The following RARB variants were observed in gnomAD, a reference collection of about 807,000 sequenced individuals.
The protein encoded by RARB is retinoic acid receptor beta.
RARB carries 17 observed loss-of-function variants against 51.9 expected under a neutral mutation model. The ratio of observed to expected loss-of-function variants is 0.33; its 90% CI spans 0.22 to 0.49. The LOEUF is 0.49. Ranked by LOEUF, RARB falls within the 20% of genes least tolerant of loss-of-function variation. RARB has a pLI of 0.99. For missense variants in RARB, 369 were observed against 550.8 expected, an observed-to-expected ratio of 0.67 and a Z score of 3.30; for synonymous variants, 215 against 195.4, an observed-to-expected ratio of 1.10 and a Z score of -0.84.
At chr3:25,292,297 T>G (rs1463734015) in intron 5 of RARB, among the ~76,000 whole-genome samples, 1 of 152,164 alleles carries the variant, frequency 6.6e-6, no homozygotes, top group Non-Finnish European at 1.5e-5. Flanking sequence ...AATTTGGAAA[T>G]GTGTCCAAGA....
intron 2 of RARB, among the ~76,000 whole-genome samples, chr3:25,031,685 G>A (rs1697880081): frequency 1.3e-5 from 2 of 152,198 alleles, no homozygotes; most frequent in Admixed American, 1.3e-4. Flanking sequence ...ACCCAGGGAA[G>A]GGAACTGTCT....
chr3:25,261,771 T>C (rs775997051), intron 5 of RARB, among the ~76,000 whole-genome samples: 4 of 152,076 alleles, frequency 2.6e-5, no homozygotes. Flanking sequence ...AATGCAGAGG[T>C]CATTCTGGAT....
At chr3:25,582,422 C>A (rs918307867) in intron 5 of RARB, among the ~76,000 whole-genome samples, 4 of 151,992 alleles carry the variant, frequency 2.6e-5, no homozygotes, top group African/African-American at 9.7e-5. Flanking sequence ...CACGCAGCCA[C>A]CCAGCAGGGC....
At chr3:25,113,462 G>A (rs1012901977) in intron 3 of RARB, among the ~76,000 whole-genome samples, 8 of 152,058 alleles carry the variant, frequency 5.3e-5, no homozygotes, top group Non-Finnish European at 7.4e-5. Context: ...TGTTTTCTTA[G>A]GAAATGAAGT....
At chr3:24,895,444 G>A (rs1703458476) in intron 2 of RARB, among the ~76,000 whole-genome samples, 1 of 152,154 alleles carries the variant, frequency 6.6e-6, no homozygotes, top group African/African-American at 2.4e-5. Flanking sequence ...CTGGGATGAA[G>A]CCCTAGAGTT....
At chr3:25,395,245 T>C (rs1707083906) in intron 5 of RARB, among the ~76,000 whole-genome samples, 1 of 152,220 alleles carries the variant, frequency 6.6e-6, no homozygotes, top group Non-Finnish European at 1.5e-5. Flanking sequence ...CCCTTGTGGC[T>C]TGAAGGGTTT....
chr3:25,431,312 T>C (rs1708198411), intron 1 of RARB, among the ~76,000 whole-genome samples: 1 of 152,088 alleles, frequency 6.6e-6, no homozygotes. Flanking sequence ...CCTTTGAACA[T>C]GGAGCACACC....
At chr3:25,308,457 T>TTC (rs1182069811) in intron 5 of RARB, among the ~76,000 whole-genome samples, 1 of 150,766 alleles carries the variant, frequency 6.6e-6, no homozygotes, top group Non-Finnish European at 1.5e-5. Context: ...TCTTTTTTTT[T>TTC]TTTTTTTTTG....
intron 5 of RARB, among the ~76,000 whole-genome samples, chr3:25,297,299 G>A (rs992776481): frequency 2.6e-5 from 4 of 150,946 alleles, no homozygotes; most frequent in African/African-American, 4.9e-5. Flanking sequence ...CTGAAACATA[G>A]AATTAGAGGA....
intron 3 of RARB, among the ~76,000 whole-genome samples, chr3:25,076,898 G>A (rs574704752): frequency 4.6e-5 from 7 of 152,310 alleles, no homozygotes; most frequent in African/African-American, 1.7e-4. Context: ...TCCCATGACA[G>A]TGGGATTTCT....
chr3:25,291,262 T>G (rs1280892399), intron 5 of RARB, among the ~76,000 whole-genome samples: 1 of 152,184 alleles, frequency 6.6e-6, no homozygotes, highest in Non-Finnish European at 1.5e-5. Context: ...TGAAGATCAG[T>G]TCGAGTTCAA....
At chr3:24,982,397 C>A (rs939014931) in intron 2 of RARB, among the ~76,000 whole-genome samples, 1 of 152,174 alleles carries the variant, frequency 6.6e-6, no homozygotes, top group African/African-American at 2.4e-5. Context: ...CAGAGTGGAA[C>A]CACAGCTGGT....
At chr3:25,115,315 C>G (rs1316221600) in intron 3 of RARB, among the ~76,000 whole-genome samples, 1 of 152,138 alleles carries the variant, frequency 6.6e-6, no homozygotes, top group Non-Finnish European at 1.5e-5. Context: ...GCAGTGTTTT[C>G]TTTGTCTTAG....
At chr3:24,924,600 TTACTCAGTC>T (rs1695279113) in intron 2 of RARB, among the ~76,000 whole-genome samples, 1 of 152,186 alleles carries the variant, frequency 6.6e-6, no homozygotes, top group South Asian at 2.1e-4. Context: ...ATGAATATTT[TTACTCAGTC>T]AGTATATAAA....
chr3:25,087,639 G>A (rs559643400), intron 3 of RARB, among the ~76,000 whole-genome samples: 3 of 152,216 alleles, frequency 2.0e-5, no homozygotes, highest in East Asian at 3.9e-4. Flanking sequence ...CATAGTAAAA[G>A]CTCAGTAGTG....
At chr3:24,854,528 T>C (rs1404381746) in intron 1 of RARB, among the ~76,000 whole-genome samples, 1 of 152,154 alleles carries the variant, frequency 6.6e-6, no homozygotes, top group Non-Finnish European at 1.5e-5. Flanking sequence ...CCTGGGTACT[T>C]AGTAGTAATG....
intron 5 of RARB, among the ~76,000 whole-genome samples, chr3:25,247,461 A>G (rs1339099168): frequency 6.6e-6 from 1 of 152,186 alleles, no homozygotes; most frequent in African/African-American, 2.4e-5. Flanking sequence ...TAGGCACACA[A>G]GGGAATCTCC....
chr3:25,034,662 CCCTCCTTT>C (rs1195460813), intron 2 of RARB, among the ~76,000 whole-genome samples: 7 of 152,230 alleles, frequency 4.6e-5, no homozygotes, highest in Non-Finnish European at 8.8e-5. Context: ...AAAAGCTCTT[CCCTCCTTT>C]CCTCCTTGTG....
At position 25,500,454 on chromosome 3, in the gene RARB, G is replaced by GTTTTTTTTTTTTTTTTTTTTTT. The variant is rs753321842; in HGVS notation, c.307-722_307-701dup. 1.2e-3 allele frequency among the ~76,000 whole-genome samples: 82 copies of GTTTTTTTTTTTTTTTTTTTTTT among 66,138 alleles called. 8 individuals are homozygous for GTTTTTTTTTTTTTTTTTTTTTT. Among genetic ancestry groups the GTTTTTTTTTTTTTTTTTTTTTT allele is most frequent in the East Asian group, 1.9e-3 (3 of 1,610 alleles). 43.4% of individuals were successfully genotyped at this position (66,138 alleles called of 152,430 possible). A position where few individuals can be genotyped will look rare whatever the true frequency, so the allele number is the denominator to read the frequency against. On this transcript the variant is annotated intron_variant, in intron 2 of 7. Transcript: ENST00000330688. ...ATAATTTCTTTTTCTTTCTTTTCTT[G>GTTTTTTTTTTTTTTTTTTTTTT]TTTTTTTTTTTTTTTTTTTTTTTTT...
Sources: allele counts gnomAD v4.1 joint callset (sites outside exome capture counted in the v4.1 genomes callset), GRCh38; gene constraint gnomAD v4.1.1; transcripts MANE v1.5; gene names NCBI Gene and HGNC (gene_info 2026-07-23, HGNC 2026-07-21).